The following ZNF827 variants were observed in gnomAD, a reference collection of about 807,000 sequenced individuals.
The protein encoded by ZNF827 is zinc finger protein 827.
A neutral mutation model predicts 102.4 loss-of-function variants in ZNF827; 13 were observed. That is an observed-to-expected ratio of 0.13 (90% CI 0.08 to 0.20). The LOEUF (loss-of-function observed/expected upper bound fraction) is 0.20. Ranked by LOEUF, ZNF827 falls within the 10% of genes least tolerant of loss-of-function variation. The probability of loss-of-function intolerance (pLI) is 1.00; values close to 1 mark genes in which losing one functional copy is unlikely to be tolerated. For synonymous variants in ZNF827, 523 were observed against 536.2 expected (o/e 0.98, Z 0.34); for missense variants, 1,103 against 1,344.4 (o/e 0.82, Z 2.81).
chr4:145,806,992 A>G (rs540200815), intron 8 of ZNF827, among the ~76,000 whole-genome samples: 1 of 152,304 alleles, frequency 6.6e-6, no homozygotes, highest in African/African-American at 2.4e-5. Flanking sequence ...AACTTCAATC[A>G]TTCCTTGAGT....
chr4:145,788,810 C>G (rs553548765), intron 8 of ZNF827, among the ~76,000 whole-genome samples: 8 of 152,140 alleles, frequency 5.3e-5, no homozygotes, highest in African/African-American at 1.9e-4. Context: ...AATGTTGAGG[C>G]CATTTATAAG....
Position 145,885,809 on chromosome 4 carries a change from T to C in ZNF827, c.1616A>G (p.Asn539Ser). The change falls in exon 4 of 15, where the codon AAT becomes AGT. Residue 539 changes from asparagine (N) to serine (S), a missense_variant. Transcript: ENST00000508784. Reference protein sequence around the residue: ...DNGLPTSFTLNAADRPANHTK... With the variant: ...DNGLPTSFTLSAADRPANHTK... ...GTGGTTGGCGGGCCTGTCGGCAGCA[T>C]TCAAAGTAAAGGAGGTGGGCAGGCC... The C allele has an allele frequency of 1.2e-6, 2 of 1,613,880 alleles. No homozygotes were observed. The highest frequency in any genetic ancestry group is 1.7e-6 in the Non-Finnish European group (2 of 1,179,876).
At chr4:145,908,649 A>T (rs1454626038) in intron 1 of ZNF827, among the ~76,000 whole-genome samples, 2 of 152,268 alleles carry the variant, frequency 1.3e-5, no homozygotes, top group Non-Finnish European at 2.9e-5. Context: ...AGTTTACTAC[A>T]AAAGTTATTA....
At chr4:145,826,833 G>A (rs748870706) in intron 7 of ZNF827, among the ~76,000 whole-genome samples, 1 of 152,026 alleles carries the variant, frequency 6.6e-6, no homozygotes, top group Non-Finnish European at 1.5e-5. Flanking sequence ...TGCAACCTCC[G>A]CCTCCTGGGT....
intron 9 of ZNF827, among the ~76,000 whole-genome samples, chr4:145,778,786 A>C (rs1737510947): frequency 6.6e-6 from 1 of 152,192 alleles, no homozygotes; most frequent in Non-Finnish European, 1.5e-5. Flanking sequence ...CAGTGTAAAA[A>C]TGGAAATGTT....
intron 8 of ZNF827, among the ~76,000 whole-genome samples, chr4:145,818,560 T>A (rs1357588491): frequency 6.6e-6 from 1 of 152,018 alleles, no homozygotes; most frequent in Non-Finnish European, 1.5e-5. Context: ...TCCAATGTTC[T>A]ATTGTTTATC....
chr4:145,864,420 CAAAAA>C (rs34745619), intron 5 of ZNF827, among the ~76,000 whole-genome samples: 6 of 60,804 alleles, frequency 9.9e-5, no homozygotes, highest in Admixed American at 2.0e-4. Context: ...CTTGTCTCTA[CAAAAA>C]AAAAAAAAAA....
At chr4:145,847,732 G>A (rs539158242) in intron 6 of ZNF827, among the ~76,000 whole-genome samples, 158 of 152,218 alleles carry the variant, frequency 1.0e-3, no homozygotes, top group African/African-American at 3.7e-3. Flanking sequence ...GAAAAAACCT[G>A]GCCAACTGTA....
chr4:145,831,492 G>A (rs1383477214), intron 7 of ZNF827: 1 of 152,196 alleles, frequency 6.6e-6, no homozygotes, highest in African/African-American at 2.4e-5. Flanking sequence ...GGGACTCAAG[G>A]GTTCTCAATC....
At chr4:145,844,677 C>T (rs1177448537) in intron 7 of ZNF827, among the ~76,000 whole-genome samples, 1 of 128,416 alleles carries the variant, frequency 7.8e-6, no homozygotes, top group East Asian at 2.3e-4. Flanking sequence ...GAGACTGTCT[C>T]AAATAAATAA....
chr4:145,790,305 T>C (rs2127049847), intron 8 of ZNF827, among the ~76,000 whole-genome samples: 1 of 152,290 alleles, frequency 6.6e-6, no homozygotes, highest in South Asian at 2.1e-4. Context: ...TTTCAATATA[T>C]ATTAATACTT....
chr4:145,843,541 C>T (rs1253398256), intron 7 of ZNF827, among the ~76,000 whole-genome samples: 1 of 152,180 alleles, frequency 6.6e-6, no homozygotes, highest in African/African-American at 2.4e-5. Context: ...TTGGGGCCTC[C>T]TCTTACCTCT....
chr4:145,910,031 G>A (rs1752163305), intron 1 of ZNF827, among the ~76,000 whole-genome samples: 1 of 152,176 alleles, frequency 6.6e-6, no homozygotes, highest in Admixed American at 6.5e-5. Context: ...ATTTAAAACT[G>A]CCAGGGTGCA....
chr4:145,886,605 TTTCAGTTTTCAAA>T (rs1164726053), intron 3 of ZNF827, among the ~76,000 whole-genome samples: 1 of 152,188 alleles, frequency 6.6e-6, no homozygotes, highest in Non-Finnish European at 1.5e-5. Context: ...GCAAACATAA[TTTCAGTTTTCAAA>T]ATGCTGCTCT....
At chr4:145,873,791 C>T (rs966996537) in intron 4 of ZNF827, among the ~76,000 whole-genome samples, 3 of 152,190 alleles carry the variant, frequency 2.0e-5, no homozygotes, top group Admixed American at 1.3e-4. Context: ...CCTTCTAAAG[C>T]TTGCTCTCTC....
intron 8 of ZNF827, among the ~76,000 whole-genome samples, chr4:145,821,659 AGATT>A (rs771447156): frequency 4.6e-5 from 7 of 152,252 alleles, no homozygotes; most frequent in Admixed American, 1.3e-4. Context: ...GAAGTAGGGT[AGATT>A]GATTATCTTT....
chr4:145,924,221 A>G (rs1367405905), intron 1 of ZNF827, among the ~76,000 whole-genome samples: 1 of 152,234 alleles, frequency 6.6e-6, no homozygotes, highest in African/African-American at 2.4e-5. Flanking sequence ...AAGTCCAGAG[A>G]AAAAACAAGA....
intron 1 of ZNF827, among the ~76,000 whole-genome samples, chr4:145,914,475 A>G (rs557282785): frequency 6.6e-6 from 1 of 152,316 alleles, no homozygotes; most frequent in East Asian, 1.9e-4. Flanking sequence ...TTAACTTTAA[A>G]CACTGATTTA....
Position 145,787,966 on chromosome 4 carries a change from CA to C in ZNF827, c.2384-8456del, listed in dbSNP as rs533648569. On this transcript the variant is annotated intron_variant, in intron 8 of 14. Transcript: ENST00000508784. Reference sequence around the variant, plus strand: ...GAGGAATCTTAACAATCATTTTTTTCAAAGTTGCTGTTTTACATATAAGAAA... The same window carrying C: ...GAGGAATCTTAACAATCATTTTTTTCAAGTTGCTGTTTTACATATAAGAAA... 5.0e-4 allele frequency among the ~76,000 whole-genome samples: 76 copies of C among 152,218 alleles called. 1 individual carries two copies. Among genetic ancestry groups the C allele is most frequent in the Admixed American group, 1.2e-3 (18 of 15,298 alleles).
Sources: allele counts gnomAD v4.1 joint callset (sites outside exome capture counted in the v4.1 genomes callset), GRCh38; gene constraint gnomAD v4.1.1; transcripts MANE v1.5; gene names NCBI Gene and HGNC (gene_info 2026-07-23, HGNC 2026-07-21).